The following AFAP1 variants were observed in gnomAD, a reference collection of about 807,000 sequenced individuals.
AFAP1 encodes the protein actin filament-associated protein 1.
In AFAP1, 75 loss-of-function variants were observed where a neutral mutation model predicts 93.9. The ratio of observed to expected loss-of-function variants is 0.80; its 90% CI spans 0.66 to 0.97. The LOEUF is 0.97. Ranked by LOEUF, AFAP1 falls within the 50% of genes least tolerant of loss-of-function variation. The pLI, the probability that AFAP1 is intolerant of heterozygous loss-of-function variation, is 0.00. For missense variants in AFAP1, 1,201 were observed against 1,050.8 expected (o/e 1.14, Z -1.98); for synonymous variants, 517 against 430.7 (o/e 1.20, Z -2.48).
At chr4:7,777,938 C>T (rs1716317584) in intron 14 of AFAP1, 1 of 152,288 alleles carries the variant, frequency 6.6e-6, no homozygotes, top group Non-Finnish European at 1.5e-5. Flanking sequence ...TGAGGACTAA[C>T]ACCAATACAA....
intron 8 of AFAP1, among the ~76,000 whole-genome samples, chr4:7,813,769 T>G (rs1368829201): frequency 6.6e-6 from 1 of 152,096 alleles, no homozygotes; most frequent in East Asian, 1.9e-4. Flanking sequence ...AAACCACATA[T>G]GAAAAAAGTG....
chr4:7,821,428 A>C (rs1423821127), intron 6 of AFAP1, among the ~76,000 whole-genome samples: 1 of 152,188 alleles, frequency 6.6e-6, no homozygotes, highest in East Asian at 1.9e-4. Flanking sequence ...AGCCTGCAGG[A>C]CAGGATTCCG....
At chr4:7,850,088 G>T (rs921350969) in intron 4 of AFAP1, among the ~76,000 whole-genome samples, 4 of 152,062 alleles carry the variant, frequency 2.6e-5, no homozygotes, top group African/African-American at 9.7e-5. Context: ...ATAGAGCAGA[G>T]ATCTGACTTA....
In AFAP1 at chr4:7,763,719, G is replaced by A. The variant is rs1198792620; in HGVS notation, c.*46C>T. 2 of 1,550,902 alleles carry A rather than the reference G, an allele frequency of 1.3e-6. No individual in the cohort carries two copies. Among genetic ancestry groups the A allele is most frequent in the East Asian group, 4.9e-5 (2 of 40,920 alleles). On this transcript the variant is annotated 3_prime_UTR_variant, in exon 18 of 18. Transcript: ENST00000420658. Reference sequence around the variant, plus strand: ...TGCCGTCACACAGATGAGGATACAGGCAAGGGGGTGTGCAGTCTCTGAGGC... The same window carrying A: ...TGCCGTCACACAGATGAGGATACAGACAAGGGGGTGTGCAGTCTCTGAGGC...
chr4:7,923,635 C>T (rs952035753), intron 1 of AFAP1, among the ~76,000 whole-genome samples: 9 of 152,202 alleles, frequency 5.9e-5, no homozygotes, highest in African/African-American at 1.9e-4. Flanking sequence ...CATGCCACCA[C>T]GCCCAACTAA....
chr4:7,776,936 C>T (rs4689860), intron 14 of AFAP1: 126,833 of 152,222 alleles, frequency 0.83, 53,071 homozygotes, highest in African/African-American at 0.91. Flanking sequence ...ATAATGCAAC[C>T]GGCTGGATTC....
At position 7,925,675 on chromosome 4, in the gene AFAP1, G is replaced by A. The variant is rs555421189; in HGVS notation, c.-3+13981C>T. ...CAGCCTGACCAACAAGGAAAACTCC[G>A]TCCCTACTAAAAATACAAAATTAGC... On this transcript the variant is annotated intron_variant, in intron 1 of 17. Transcript: ENST00000420658. 8.7e-4 allele frequency among the ~76,000 whole-genome samples: 132 copies of A among 152,158 alleles called. 1 individual carries two copies. Among genetic ancestry groups the A allele is most frequent in the African/African-American group, 2.8e-3 (115 of 41,518 alleles).
intron 1 of AFAP1, among the ~76,000 whole-genome samples, chr4:7,907,641 G>C (rs936351729): frequency 1.3e-5 from 2 of 152,154 alleles, no homozygotes; most frequent in African/African-American, 2.4e-5. Flanking sequence ...GAGCGCTGAC[G>C]TGACGCCCAA....
At chr4:7,910,974 T>G (rs761631225) in intron 1 of AFAP1, among the ~76,000 whole-genome samples, 13 of 152,152 alleles carry the variant, frequency 8.5e-5, no homozygotes, top group Non-Finnish European at 1.5e-4. Context: ...TCCTCTCACT[T>G]TTTTCAGCCC....
At chr4:7,894,764 C>T (rs1171815499) in intron 1 of AFAP1, among the ~76,000 whole-genome samples, 4 of 152,156 alleles carry the variant, frequency 2.6e-5, no homozygotes, top group Non-Finnish European at 5.9e-5. Context: ...ATCTGGCTGC[C>T]GTCATCTCTG....
chr4:7,852,628 C>T (rs1714577599), intron 4 of AFAP1, among the ~76,000 whole-genome samples: 1 of 152,080 alleles, frequency 6.6e-6, no homozygotes, highest in African/African-American at 2.4e-5. Flanking sequence ...AATCACCCAC[C>T]AAGAAAAAAC....
At chr4:7,935,870 T>C (rs1721350503) in intron 1 of AFAP1, among the ~76,000 whole-genome samples, 1 of 152,126 alleles carries the variant, frequency 6.6e-6, no homozygotes. Flanking sequence ...TCCCTTTCAT[T>C]TAATCCACAT....
At chr4:7,789,761 G>A (rs562947943) in intron 11 of AFAP1, among the ~76,000 whole-genome samples, 5 of 150,780 alleles carry the variant, frequency 3.3e-5, no homozygotes, top group East Asian at 2.0e-4. Flanking sequence ...CACCCCATCC[G>A]TGCATCTCCC....
intron 6 of AFAP1, among the ~76,000 whole-genome samples, chr4:7,822,168 C>G (rs955029667): frequency 1.3e-5 from 2 of 152,148 alleles, no homozygotes; most frequent in South Asian, 4.1e-4. Context: ...GGCATGTTCA[C>G]GCAATGGAAA....
intron 1 of AFAP1, among the ~76,000 whole-genome samples, chr4:7,903,824 C>T (rs1008903203): frequency 2.0e-5 from 3 of 152,098 alleles, no homozygotes; most frequent in African/African-American, 7.2e-5. Context: ...AAAAAGGAGG[C>T]GGGCGGGCAG....
intron 1 of AFAP1, among the ~76,000 whole-genome samples, chr4:7,934,496 A>G (rs985633046): frequency 6.6e-6 from 1 of 152,206 alleles, no homozygotes; most frequent in African/African-American, 2.4e-5. Context: ...GTGCACAGAA[A>G]ACATAAATTC....
intron 3 of AFAP1, among the ~76,000 whole-genome samples, chr4:7,865,740 G>A (rs772871688): frequency 6.6e-6 from 1 of 152,196 alleles, no homozygotes; most frequent in African/African-American, 2.4e-5. Flanking sequence ...GCATCCCTCT[G>A]CTACACCCAG....
At chr4:7,869,712 G>T (rs946529488) in intron 2 of AFAP1, among the ~76,000 whole-genome samples, 1 of 152,064 alleles carries the variant, frequency 6.6e-6, no homozygotes, top group African/African-American at 2.4e-5. Context: ...ACCTATAATG[G>T]GTCCAGTACT....
In AFAP1 at chr4:7,847,793, C is replaced by CG. The variant is rs10685949; in HGVS notation, c.335-4444dup. Among the ~76,000 whole-genome samples the CG allele has an allele frequency of 1.1e-3, 108 of 102,080 alleles. 5 individuals are homozygous for CG. The East Asian group carries it at 0.011, about 10-fold the overall frequency. 67.0% of individuals were successfully genotyped at this position (102,080 alleles called of 152,430 possible). On this transcript the variant is annotated intron_variant, in intron 4 of 17. Transcript: ENST00000420658. ...AGGAAGGTTCTATTTCAGGGGTACT[C>CG]GGGGTGGGGCATTGATTAGATACCA...
Sources: allele counts gnomAD v4.1 joint callset (sites outside exome capture counted in the v4.1 genomes callset), GRCh38; gene constraint gnomAD v4.1.1; transcripts MANE v1.5; gene names NCBI Gene and HGNC (gene_info 2026-07-23, HGNC 2026-07-21).